CMPK1: variants seen among roughly 807,000 people sequenced by gnomAD.
CMPK1 encodes the protein cytidine/uridine monophosphate kinase 1, also known as UMP-CMP kinase.
In CMPK1, 10 loss-of-function variants were observed where a neutral mutation model predicts 25.7. The ratio of observed to expected loss-of-function variants is 0.39; its 90% CI spans 0.24 to 0.66. The LOEUF is 0.66. CMPK1 is among the 30% of genes least tolerant of loss of function. The pLI, the probability that CMPK1 is intolerant of heterozygous loss-of-function variation, is 0.48. For missense variants in CMPK1, 199 were observed against 280.5 expected, an observed-to-expected ratio of 0.71 and a Z score of 2.08; for synonymous variants, 106 against 101.5, an observed-to-expected ratio of 1.04 and a Z score of -0.27.
chr1:47,358,955 C>G (rs1437980272), intron 1 of CMPK1: 1 of 984,464 alleles, frequency 1.0e-6, no homozygotes, highest in East Asian at 1.1e-4. Context: ...TTTGGGCCAA[C>G]TTTCTTGCTT....
At chr1:47,358,272 C>A in intron 1 of CMPK1, 1 of 493,576 alleles carries the variant, frequency 2.0e-6, no homozygotes, top group Non-Finnish European at 3.8e-6. Flanking sequence ...GTCACCATGA[C>A]AGGCTAATTT....
At chr1:47,346,835 TCTCCTCCTCA>T (rs1374441565) in intron 1 of CMPK1, among the ~76,000 whole-genome samples, 1 of 123,312 alleles carries the variant, frequency 8.1e-6, no homozygotes, top group African/African-American at 3.1e-5. Context: ...CCTCCCCATC[TCTCCTCCTCA>T]CTCCTCTCCC....
chr1:47,334,298 A>G (rs1180261727), intron 1 of CMPK1, among the ~76,000 whole-genome samples, 182 bp downstream of exon 1: 1 of 151,706 alleles, frequency 6.6e-6, no homozygotes, highest in Non-Finnish European at 1.5e-5. Context: ...CGGGACTTGT[A>G]GTCCGCGCCC....
At chr1:47,335,351 T>G (rs1159150748) in intron 1 of CMPK1, among the ~76,000 whole-genome samples, 1 of 152,152 alleles carries the variant, frequency 6.6e-6, no homozygotes, top group African/African-American at 2.4e-5. Flanking sequence ...TAAATATTGA[T>G]CATTTTGCCA....
intron 1 of CMPK1, among the ~76,000 whole-genome samples, chr1:47,345,351 G>C (rs1398025402): frequency 6.6e-6 from 1 of 151,746 alleles, no homozygotes; most frequent in Non-Finnish European, 1.5e-5. Context: ...TAGTGCAAAA[G>C]AAATACCTAA....
At chr1:47,354,623 A>G (rs1171517566) in intron 1 of CMPK1, among the ~76,000 whole-genome samples, 1 of 39,250 alleles carries the variant, frequency 2.5e-5, no homozygotes, top group Non-Finnish European at 4.8e-5. Flanking sequence ...TTTTTTGCTT[A>G]GCAGTGTATC....
chr1:47,336,419 A>G (rs1463025505), intron 1 of CMPK1, among the ~76,000 whole-genome samples: 1 of 152,230 alleles, frequency 6.6e-6, no homozygotes, highest in African/African-American at 2.4e-5. Flanking sequence ...GCACACAGAG[A>G]CAGATGCAGA....
chr1:47,351,626 A>C (rs192712282), intron 1 of CMPK1, among the ~76,000 whole-genome samples: 229 of 152,266 alleles, frequency 1.5e-3, no homozygotes, highest in Non-Finnish European at 2.9e-3. Context: ...GTCACATGGT[A>C]ATTTTGTGTT....
chr1:47,344,821 GT>G, intron 1 of CMPK1, among the ~76,000 whole-genome samples: 2 of 151,524 alleles, frequency 1.3e-5, no homozygotes, highest in Non-Finnish European at 2.9e-5. Context: ...TTTCAAAATT[GT>G]TTATCTTTTA....
chr1:47,333,967 G>A lies in CMPK1; in HGVS notation c.22G>A (p.Gly8Arg), dbSNP rs7543016. The A allele has an allele frequency of 4.0e-6, 6 of 1,493,196 alleles. No homozygotes were observed. Among genetic ancestry groups the A allele is most frequent in the South Asian group, 2.5e-5 (2 of 78,712 alleles). 92.5% of individuals were successfully genotyped at this position (1,493,196 alleles called of 1,614,324 possible). The change falls in exon 1 of 6, where the codon GGG becomes AGG. Residue 8 changes from glycine (G) to arginine (R), a missense_variant. Physicochemically the swap from Gly to Arg is moderately radical, Grantham distance 125. Transcript: ENST00000371873. ...GTGTATGCTGAGCCGCTGCCGCAGC[G>A]GGCTGCTCCACGTCCTGGGCCTTAG... MLSRCRS[G>R]LLHVLGLSFL... is the part of the protein sequence containing the mutation.
intron 1 of CMPK1, among the ~76,000 whole-genome samples, chr1:47,365,376 G>A (rs1472984643): frequency 1.3e-5 from 2 of 151,058 alleles, no homozygotes; most frequent in African/African-American, 2.4e-5. Flanking sequence ...GCTCATGCCT[G>A]TAATCTCAGC....
In CMPK1 at chr1:47,333,907, C is replaced by T; in HGVS notation, c.-39C>T. 1 of 1,239,980 alleles carries T rather than the reference C, an allele frequency of 8.1e-7. No homozygotes were observed. Among genetic ancestry groups the T allele is most frequent in the Non-Finnish European group, 1.0e-6 (1 of 980,916 alleles). The allele number at this position is 1,239,980 out of a possible 1,614,324, so 76.8% of individuals were successfully genotyped here. On this transcript the variant is annotated 5_prime_UTR_variant, in exon 1 of 6. Coordinates refer to ENST00000371873, the MANE Select transcript of CMPK1 (RefSeq NM_016308.3). ...CCGCCCCGCCCCGCGCCGCGCCGGC[C>T]GCTGTCAGCTCCCTCAGCGTCCGGC...
intron 1 of CMPK1, among the ~76,000 whole-genome samples, chr1:47,335,096 G>A (rs1646386584): frequency 1.3e-5 from 2 of 152,162 alleles, no homozygotes. Flanking sequence ...AGAAACAGAA[G>A]AGGCGACCAT....
intron 1 of CMPK1, among the ~76,000 whole-genome samples, chr1:47,342,649 C>CTTTTTTTTTTTTTTTTTTT (rs11334963): frequency 4.3e-5 from 5 of 116,428 alleles, no homozygotes; most frequent in South Asian, 3.0e-4. Context: ...TCTCTTTTTT[C>CTTTTTTTTTTTTTTTTTTT]TTTTTTTTTT....
chr1:47,336,169 T>C (rs1646397784), intron 1 of CMPK1, among the ~76,000 whole-genome samples: 1 of 95,810 alleles, frequency 1.0e-5, no homozygotes, highest in Non-Finnish European at 2.3e-5. Context: ...AAATGGCAAG[T>C]GAAAAGTGGG....
chr1:47,372,157 G>C (rs540466803), intron 2 of CMPK1, among the ~76,000 whole-genome samples: 2 of 150,214 alleles, frequency 1.3e-5, no homozygotes, highest in African/African-American at 4.9e-5. Flanking sequence ...GCTGTGGCAC[G>C]ATCTCGGCTT....
intron 1 of CMPK1, among the ~76,000 whole-genome samples, chr1:47,365,387 A>C (rs1570375332): frequency 6.6e-6 from 1 of 151,672 alleles, no homozygotes; most frequent in East Asian, 1.9e-4. Flanking sequence ...TAATCTCAGC[A>C]CTTTGAGAAG....
At chr1:47,370,782 C>A (rs369124402) in intron 2 of CMPK1, among the ~76,000 whole-genome samples, 199 of 116,164 alleles carry the variant, frequency 1.7e-3, no homozygotes, top group Non-Finnish European at 2.0e-3. Context: ...ACTAAAAATA[C>A]AAAAAAAAAA....
At chr1:47,352,313 T>C (rs1349492964) in intron 1 of CMPK1, among the ~76,000 whole-genome samples, 1 of 152,194 alleles carries the variant, frequency 6.6e-6, no homozygotes, top group Non-Finnish European at 1.5e-5. Flanking sequence ...GGTATTTCTT[T>C]AAAGTAAAAT....
Sources: allele counts gnomAD v4.1 joint callset (sites outside exome capture counted in the v4.1 genomes callset), GRCh38; gene constraint gnomAD v4.1.1; transcripts MANE v1.5; gene names NCBI Gene and HGNC (gene_info 2026-07-23, HGNC 2026-07-21).